The following DPP6 variants were observed in gnomAD, a reference collection of about 807,000 sequenced individuals.
DPP6 encodes the protein dipeptidyl peptidase like 6.
A neutral mutation model predicts 122.6 loss-of-function variants in DPP6; 69 were observed. The ratio of observed to expected loss-of-function variants is 0.56; its 90% CI spans 0.46 to 0.69. The LOEUF (loss-of-function observed/expected upper bound fraction) is 0.69, where lower values mean the gene tolerates loss of function less well. DPP6 is among the 30% of genes least tolerant of loss of function. The pLI, the probability that DPP6 is intolerant of heterozygous loss-of-function variation, is 0.00. For synonymous variants in DPP6, 418 were observed against 433.1 expected, an observed-to-expected ratio of 0.97 and a Z score of 0.43; for missense variants, 928 against 1,116.9, an observed-to-expected ratio of 0.83 and a Z score of 2.41.
intron 16 of DPP6, among the ~76,000 whole-genome samples, chr7:154,841,633 C>A (rs1801554589): frequency 6.6e-6 from 1 of 151,570 alleles, no homozygotes; most frequent in Admixed American, 6.6e-5. Flanking sequence ...ATTCAAAATG[C>A]CTATCATGAG....
chr7:154,151,652 G>A (rs1157580172), intron 1 of DPP6, among the ~76,000 whole-genome samples: 2 of 152,176 alleles, frequency 1.3e-5, no homozygotes, highest in African/African-American at 2.4e-5. Context: ...TCAGGGACCA[G>A]CTGTGAAGTA....
intron 1 of DPP6, among the ~76,000 whole-genome samples, chr7:154,136,900 A>G (rs1795583198): frequency 6.6e-6 from 1 of 152,256 alleles, no homozygotes; most frequent in Non-Finnish European, 1.5e-5. Flanking sequence ...ATAAAAATTC[A>G]GTCTTTAAAA....
At chr7:153,965,638 G>A (rs574760071) in intron 1 of DPP6, among the ~76,000 whole-genome samples, 2 of 152,128 alleles carry the variant, frequency 1.3e-5, no homozygotes, top group African/African-American at 2.4e-5. Context: ...TCAGCCTCCC[G>A]AGTAGCTGGG....
chr7:154,036,949 G>C (rs1392572089), intron 1 of DPP6, among the ~76,000 whole-genome samples: 1 of 152,148 alleles, frequency 6.6e-6, no homozygotes, highest in Non-Finnish European at 1.5e-5. Context: ...ACCTGCAACC[G>C]CAGTAGAAAC....
chr7:154,593,719 A>T (rs959148786), intron 5 of DPP6, among the ~76,000 whole-genome samples: 1 of 152,180 alleles, frequency 6.6e-6, no homozygotes, highest in East Asian at 1.9e-4. Flanking sequence ...GTCAGTCTCC[A>T]AGAACCTGAG....
the DPP6 span, among the ~76,000 whole-genome samples, chr7:153,865,301 A>G: frequency 6.6e-6 from 1 of 152,208 alleles, no homozygotes; most frequent in Non-Finnish European, 1.5e-5. Context: ...ATTCAAAACA[A>G]CAACCACAGA....
At chr7:153,798,525 G>T in the DPP6 span, among the ~76,000 whole-genome samples, 2 of 152,160 alleles carry the variant, frequency 1.3e-5, no homozygotes, top group Non-Finnish European at 2.9e-5. Context: ...TTGGCTACGA[G>T]GGGATGTGGA....
chr7:154,724,216 A>G (rs1013307685), intron 7 of DPP6, among the ~76,000 whole-genome samples: 24 of 152,234 alleles, frequency 1.6e-4, no homozygotes, highest in Admixed American at 5.2e-4. Flanking sequence ...GACCACCAAC[A>G]TAGACCATCT....
Position 154,889,253 on chromosome 7 carries a change from C to T in DPP6, c.2305-19C>T, listed in dbSNP as rs1346928406. On this transcript the variant is annotated intron_variant, in intron 23 of 25. Coordinates refer to ENST00000377770, the MANE Select transcript of DPP6 (RefSeq NM_130797.4). ...CAGTGCAGCCCCCTAACTCTGTCCCCTTGCCCCCGCATGTGCAGATGACCA... is the reference window on the plus strand; with the variant it reads ...CAGTGCAGCCCCCTAACTCTGTCCCTTTGCCCCCGCATGTGCAGATGACCA... The T allele has an allele frequency of 3.1e-6, 5 of 1,610,684 alleles. No homozygotes were observed. Among genetic ancestry groups the T allele is most frequent in the Non-Finnish European group, 4.2e-6 (5 of 1,178,798 alleles).
the DPP6 span, among the ~76,000 whole-genome samples, chr7:153,815,787 T>C: frequency 6.6e-6 from 1 of 152,232 alleles, no homozygotes; most frequent in Admixed American, 6.5e-5. Flanking sequence ...GAGTTATCTG[T>C]GTTTCATTAT....
At position 154,559,925 on chromosome 7, in the gene DPP6, T is replaced by TATATATAA. The variant is rs1830305701; in HGVS notation, c.553-6916_553-6915insTATATAAA. On this transcript the variant is annotated intron_variant, in intron 4 of 25. Transcript: ENST00000377770. ...TTTCTCTTAAAAAAAATAATATATA[T>TATATATAA]AGATATATATATAAAGATATAGATA... Among the ~76,000 whole-genome samples, 5 of 144,026 alleles carry TATATATAA rather than the reference T, an allele frequency of 3.5e-5. No homozygotes were observed. The South Asian group carries it at 6.5e-4, about 19-fold the overall frequency. The allele number at this position is 144,026 out of a possible 152,430, so 94.5% of individuals were successfully genotyped here.
At chr7:154,374,612 T>TTTTTTTTCTTTTTCC (rs1160924486) in intron 1 of DPP6, among the ~76,000 whole-genome samples, 1 of 106,480 alleles carries the variant, frequency 9.4e-6, no homozygotes, top group Non-Finnish European at 2.3e-5. Context: ...GTTTTTTTTC[T>TTTTTTTTCTTTTTCC]TTTTTTCTTT....
At chr7:154,855,695 G>A (rs759566405) in intron 17 of DPP6, among the ~76,000 whole-genome samples, 2 of 152,222 alleles carry the variant, frequency 1.3e-5, no homozygotes, top group East Asian at 3.9e-4. Flanking sequence ...CCAAGGCCTG[G>A]GGTCGGTGGA....
chr7:154,413,171 C>G (rs951244594), intron 1 of DPP6, among the ~76,000 whole-genome samples: 6 of 152,218 alleles, frequency 3.9e-5, no homozygotes, highest in Non-Finnish European at 8.8e-5. Flanking sequence ...CAGCTGCCCA[C>G]CCCAGTCATC....
chr7:154,372,387 C>T (rs1812749494), intron 1 of DPP6, among the ~76,000 whole-genome samples: 1 of 152,256 alleles, frequency 6.6e-6, no homozygotes, highest in South Asian at 2.1e-4. Flanking sequence ...GGTCAGCACT[C>T]ACCGCTCCCT....
At chr7:154,085,297 C>T (rs1169319857) in intron 1 of DPP6, among the ~76,000 whole-genome samples, 1 of 152,132 alleles carries the variant, frequency 6.6e-6, no homozygotes, top group Non-Finnish European at 1.5e-5. Flanking sequence ...CACTCTCAAG[C>T]TTTTCCGGAC....
chr7:154,206,770 G>T (rs1799471166), intron 1 of DPP6, among the ~76,000 whole-genome samples: 1 of 152,210 alleles, frequency 6.6e-6, no homozygotes, highest in African/African-American at 2.4e-5. Context: ...AGTGGTGGCT[G>T]CACAATGCTG....
intron 1 of DPP6, chr7:154,305,017 C>CCCCA (rs1806170639): frequency 6.8e-6 from 1 of 147,548 alleles, no homozygotes; most frequent in Admixed American, 7.1e-5. Context: ...CCGCGGCCCC[C>CCCCA]TCCCCAGCCC....
intron 3 of DPP6, among the ~76,000 whole-genome samples, chr7:154,479,002 C>T (rs1023178615): frequency 1.3e-5 from 2 of 152,150 alleles, no homozygotes; most frequent in African/African-American, 4.8e-5. Flanking sequence ...CTGAAGTTAA[C>T]AAGTGTACCT....
Sources: gnomAD v4.1 joint callset for allele counts (sites outside exome capture counted in the v4.1 genomes callset) on GRCh38, gnomAD v4.1.1 for gene constraint, MANE v1.5 for transcripts, NCBI Gene and HGNC (gene_info 2026-07-23, HGNC 2026-07-21) for gene names.